The following DLG2 variants were observed in gnomAD, a reference collection of about 807,000 sequenced individuals.
DLG2 encodes discs large MAGUK scaffold protein 2.
DLG2 carries 45 observed loss-of-function variants against 132.5 expected under a neutral mutation model. The observed-to-expected ratio is 0.34, with a 90% CI of 0.27 to 0.44. The LOEUF is 0.44. Among genes scored for constraint, DLG2 ranks in the 20% least tolerant of loss-of-function variants. The pLI is 1.00. For synonymous variants in DLG2, 424 were observed against 419.6 expected (o/e 1.01, Z -0.13); for missense variants, 1,045 against 1,196.9 (o/e 0.87, Z 1.87).
In DLG2 at chr11:85,377,803, A is replaced by ATATATATATATATATATATG. The variant is rs35141583; in HGVS notation, c.41-92439_41-92438insCATATATATATATATATATA. On this transcript the variant is annotated intron_variant, in intron 3 of 27. Coordinates refer to ENST00000376104, the MANE Select transcript of DLG2 (RefSeq NM_001142699.3). ...TGTATACATATATATATATATATATATGTGTGTGTGTGTGTGTGTGTATAC... is the reference window on the plus strand; with the variant it reads ...TGTATACATATATATATATATATATATATATATATATATATATATGTGTGTGTGTGTGTGTGTGTGTATAC... Among the ~76,000 whole-genome samples, 561 of 131,194 alleles carry ATATATATATATATATATATG rather than the reference A, an allele frequency of 4.3e-3. 1 individual carries two copies. The highest frequency in any genetic ancestry group is 7.8e-3 in the Middle Eastern group (2 of 256). The allele number at this position is 131,194 out of a possible 152,430, so 86.1% of individuals were successfully genotyped here.
chr11:84,776,264 T>C (rs773626898), intron 6 of DLG2, among the ~76,000 whole-genome samples: 7 of 152,020 alleles, frequency 4.6e-5, no homozygotes, highest in Non-Finnish European at 8.8e-5. Context: ...AATTAATCCT[T>C]CCACCTAATC....
At chr11:85,603,266 T>G (rs2080292580) in intron 2 of DLG2, among the ~76,000 whole-genome samples, 2 of 152,178 alleles carry the variant, frequency 1.3e-5, no homozygotes, top group African/African-American at 4.8e-5. Context: ...ATCAGCAGTT[T>G]CCCCAAAATG....
At chr11:84,163,809 A>T (rs1342478217) in intron 8 of DLG2, among the ~76,000 whole-genome samples, 1 of 152,192 alleles carries the variant, frequency 6.6e-6, no homozygotes, top group Non-Finnish European at 1.5e-5. Context: ...TACAAAGAAC[A>T]AATCATCTAG....
At chr11:84,396,305 A>G (rs866767264) in intron 7 of DLG2, among the ~76,000 whole-genome samples, 1 of 152,318 alleles carries the variant, frequency 6.6e-6, no homozygotes, top group Middle Eastern at 3.4e-3. Flanking sequence ...TTTTATAGTT[A>G]ATTTTCATTG....
rs924505238 is a variant in DLG2 at position 83,455,367 on chromosome 11, T to G, written c.*4451A>C. ...CCTGTCAGAGAGAAGCACAAAACTGTCATATTGAAAGGATCTAACGGGTAC... is the reference window on the plus strand; with the variant it reads ...CCTGTCAGAGAGAAGCACAAAACTGGCATATTGAAAGGATCTAACGGGTAC... On this transcript the variant is annotated 3_prime_UTR_variant, in exon 28 of 28. Transcript: ENST00000376104. 1 of 152,414 alleles carries G rather than the reference T, an allele frequency of 6.6e-6. No homozygotes were observed. Among genetic ancestry groups the G allele is most frequent in the African/African-American group, 2.4e-5 (1 of 41,400 alleles). 9.4% of individuals were successfully genotyped at this position (152,414 alleles called of 1,614,324 possible). A position where few individuals can be genotyped will look rare whatever the true frequency, so the allele number is the denominator to read the frequency against.
At chr11:85,066,503 T>C (rs1358900628) in intron 6 of DLG2, among the ~76,000 whole-genome samples, 1 of 151,430 alleles carries the variant, frequency 6.6e-6, no homozygotes, top group African/African-American at 2.4e-5. Flanking sequence ...AACAAAAAAT[T>C]ATAGGCCAAT....
intron 7 of DLG2, among the ~76,000 whole-genome samples, chr11:84,388,288 C>G (rs1172999707): frequency 6.6e-6 from 1 of 152,086 alleles, no homozygotes; most frequent in Non-Finnish European, 1.5e-5. Flanking sequence ...TAAACTAAAT[C>G]TTTCATATTG....
intron 15 of DLG2, among the ~76,000 whole-genome samples, chr11:83,905,696 T>C (rs1337492530): frequency 6.6e-6 from 1 of 152,180 alleles, no homozygotes; most frequent in African/African-American, 2.4e-5. Context: ...GCCTAATTTA[T>C]TGTTAAGCAC....
chr11:85,366,463 G>T (rs1228101778), intron 3 of DLG2, among the ~76,000 whole-genome samples: 1 of 152,040 alleles, frequency 6.6e-6, no homozygotes. Context: ...TTAGAAACAG[G>T]AGAAACTTAG....
intron 6 of DLG2, among the ~76,000 whole-genome samples, chr11:84,956,648 C>T (rs1046973430): frequency 7.9e-5 from 12 of 152,032 alleles, no homozygotes; most frequent in African/African-American, 1.9e-4. Context: ...CCCTCTGCTC[C>T]GGAAGGCACT....
At chr11:85,508,490 C>A (rs2093985919) in intron 3 of DLG2, among the ~76,000 whole-genome samples, 1 of 152,028 alleles carries the variant, frequency 6.6e-6, no homozygotes, top group South Asian at 2.1e-4. Context: ...TATCCCCCTA[C>A]TCTGTTTTAT....
At chr11:83,717,266 T>G (rs952358853) in intron 18 of DLG2, among the ~76,000 whole-genome samples, 3 of 152,296 alleles carry the variant, frequency 2.0e-5, no homozygotes, top group South Asian at 2.1e-4. Flanking sequence ...CTCTGCAAGT[T>G]TAAATTTAAA....
At chr11:85,305,312 G>T (rs1053046978) in intron 3 of DLG2, among the ~76,000 whole-genome samples, 1 of 152,116 alleles carries the variant, frequency 6.6e-6, no homozygotes, top group African/African-American at 2.4e-5. Context: ...CTTTAGATTG[G>T]TATAAAGCAG....
intron 3 of DLG2, among the ~76,000 whole-genome samples, chr11:85,407,327 T>A (rs898678228): frequency 2.0e-5 from 3 of 151,838 alleles, no homozygotes; most frequent in Non-Finnish European, 4.4e-5. Flanking sequence ...ATGGGTATAT[T>A]CATGAATGCC....
At chr11:84,208,490 C>T (rs145197899) in intron 8 of DLG2, among the ~76,000 whole-genome samples, 21 of 151,832 alleles carry the variant, frequency 1.4e-4, no homozygotes, top group South Asian at 6.2e-4. Context: ...ACTACAGGTG[C>T]GCGCCACCAC....
chr11:85,300,057 T>C (rs1238323700), intron 3 of DLG2, among the ~76,000 whole-genome samples: 2 of 152,178 alleles, frequency 1.3e-5, no homozygotes, highest in African/African-American at 4.8e-5. Flanking sequence ...CTTCAACAAA[T>C]ATTTCTTAAG....
intron 3 of DLG2, among the ~76,000 whole-genome samples, chr11:85,520,334 G>A (rs542957457): frequency 2.0e-5 from 3 of 152,092 alleles, no homozygotes; most frequent in South Asian, 4.2e-4. Context: ...ATTGATGAAG[G>A]AAATAAAAGA....
chr11:84,473,493 C>T (rs1253857304), intron 7 of DLG2, among the ~76,000 whole-genome samples: 2 of 151,942 alleles, frequency 1.3e-5, no homozygotes, highest in African/African-American at 4.8e-5. Flanking sequence ...ATCTTGATGT[C>T]ATTGACAGAA....
chr11:85,313,612 A>C (rs183003461), intron 3 of DLG2, among the ~76,000 whole-genome samples: 1 of 152,162 alleles, frequency 6.6e-6, no homozygotes, highest in Admixed American at 6.5e-5. Context: ...GAGGTGCTGC[A>C]TGGAGAAAAC....
Sources: allele counts gnomAD v4.1 joint callset (sites outside exome capture counted in the v4.1 genomes callset), GRCh38; gene constraint gnomAD v4.1.1; transcripts MANE v1.5; gene names NCBI Gene and HGNC (gene_info 2026-07-23, HGNC 2026-07-21).